The following SGSM1 variants were observed in gnomAD, a reference collection of about 807,000 sequenced individuals.
The protein encoded by SGSM1 is RUN and TBC1 domain containing 2.
SGSM1 carries 73 observed loss-of-function variants against 133.8 expected under a neutral mutation model. The ratio of observed to expected loss-of-function variants is 0.55; its 90% CI spans 0.45 to 0.66. The LOEUF is 0.66. Ranked by LOEUF, SGSM1 falls within the 30% of genes least tolerant of loss-of-function variation. SGSM1 has a pLI of 0.00. For missense variants in SGSM1, 1,213 were observed against 1,448.1 expected (o/e 0.84, Z 2.64); for synonymous variants, 563 against 573.0 (o/e 0.98, Z 0.25).
intron 12 of SGSM1, among the ~76,000 whole-genome samples, chr22:24,869,790 G>A (rs527518769): frequency 2.0e-5 from 3 of 152,280 alleles, no homozygotes; most frequent in African/African-American, 7.2e-5. Context: ...CAGGTTGCAC[G>A]GTGCCTGCCG....
At chr22:24,872,159 A>G (rs1761961828) in intron 12 of SGSM1, among the ~76,000 whole-genome samples, 1 of 152,220 alleles carries the variant, frequency 6.6e-6, no homozygotes, top group Non-Finnish European at 1.5e-5. Flanking sequence ...TTGCAGATAT[A>G]TGCCTTAAAT....
At position 24,901,900 on chromosome 22, in the gene SGSM1, G is replaced by A; in HGVS notation, c.2678G>A (p.Arg893His). 3.8e-6 allele frequency: 6 copies of A among 1,580,622 alleles called. No homozygotes were observed. The highest frequency in any genetic ancestry group is 2.3e-5 in the East Asian group (1 of 42,616). The change falls in exon 20 of 25, where the codon CGC (arginine) becomes CAC (histidine). Residue 893 changes from arginine (R) to histidine (H), a missense_variant. Physicochemically the swap from Arg to His is conservative, Grantham distance 29 (BLOSUM62 0). Coordinates refer to ENST00000400358, the MANE Select transcript of SGSM1 (RefSeq NM_001098497.3). ...GAGAAGGATGTGCAGAGGTGCGACC[G>A]CAACTACTGGTACTTCACGCCCGCC... is the stretch of plus-strand genomic sequence containing the variant. ...RIEKDVQRCD[R>H]NYWYFTPANL...
In SGSM1 at chr22:24,898,478, C is replaced by T; in HGVS notation, c.2529C>T (p.Leu843=). ...CGGAGGAGCCTGAGATGGAAAGTCT[C>T]TTCCCTGCCCTGGCTTCTCTGGCTG... ...NLSEEPEMES[L]FPALASLAVT... The change falls in exon 19 of 25, where the codon CTC becomes CTT. Residue 843 remains leucine, a synonymous_variant. Transcript: ENST00000400358. 6.2e-7 allele frequency: 1 copy of T among 1,613,928 alleles called. No individual in the cohort carries two copies. The highest frequency in any genetic ancestry group is 1.1e-5 in the South Asian group (1 of 91,080).
intron 24 of SGSM1, among the ~76,000 whole-genome samples, chr22:24,923,427 T>G (rs935936918): frequency 6.6e-6 from 1 of 152,240 alleles, no homozygotes; most frequent in African/African-American, 2.4e-5. Flanking sequence ...CTTAGAAGTC[T>G]GACCACATTG....
rs767930348 is a variant in SGSM1, at chr22:24,901,950, A to T, written c.2728A>T (p.Met910Leu). 1 of 1,306,960 alleles carries T rather than the reference A, an allele frequency of 7.7e-7. No homozygotes were observed. Among genetic ancestry groups the T allele is most frequent in the Non-Finnish European group, 1.0e-6 (1 of 1,001,252 alleles). 81.0% of individuals were successfully genotyped at this position (1,306,960 alleles called of 1,614,324 possible). The part of the protein sequence containing the change: ...PANLEKLRNI[M>L]CSYIWQHIEI... ...CAACTTGGAGAAGCTGCGTAACATCATGTGCAGGTGGCTGGGGACAGCGAG... is the reference window on the plus strand; with the variant it reads ...CAACTTGGAGAAGCTGCGTAACATCTTGTGCAGGTGGCTGGGGACAGCGAG... Residue 910 changes from methionine to leucine, a missense_variant, in exon 20 of 25, where the codon ATG becomes TTG. Coordinates refer to ENST00000400358, the MANE Select transcript of SGSM1 (RefSeq NM_001098497.3).
intron 15 of SGSM1, among the ~76,000 whole-genome samples, chr22:24,884,917 G>A (rs1413688070): frequency 1.3e-5 from 2 of 152,052 alleles, no homozygotes; most frequent in African/African-American, 4.8e-5. Context: ...AGGTAGCAGC[G>A]AGAATTGTAC....
At chr22:24,819,510 T>A (rs981203568) in intron 2 of SGSM1, among the ~76,000 whole-genome samples, 1 of 152,218 alleles carries the variant, frequency 6.6e-6, no homozygotes, top group African/African-American at 2.4e-5. Context: ...ATGAGGAAAC[T>A]GAGGCCCGAG....
At chr22:24,807,871 G>T (rs964103975) in intron 2 of SGSM1, among the ~76,000 whole-genome samples, 1 of 149,338 alleles carries the variant, frequency 6.7e-6, no homozygotes, top group Non-Finnish European at 1.5e-5. Flanking sequence ...TCCTCCGGGA[G>T]CATGAGTATG....
At chr22:24,817,599 C>T (rs1401973882) in intron 2 of SGSM1, among the ~76,000 whole-genome samples, 3 of 152,196 alleles carry the variant, frequency 2.0e-5, no homozygotes, top group African/African-American at 4.8e-5. Context: ...GATCTTCCCA[C>T]CTCAGCCTCC....
chr22:24,893,398 A>T, intron 16 of SGSM1, 33 bp from the exon 17 acceptor site: 1 of 1,608,212 alleles, frequency 6.2e-7, no homozygotes, highest in Non-Finnish European at 8.5e-7. Flanking sequence ...CCCTTTGTTG[A>T]CACCTCGGGT....
intron 4 of SGSM1, 83 bp downstream of exon 4, chr22:24,847,879 C>A: frequency 1.3e-6 from 2 of 1,499,504 alleles, no homozygotes; most frequent in Non-Finnish European, 1.8e-6. Flanking sequence ...GAGCCTGCAA[C>A]CCCTAGCACT....
In SGSM1 at chr22:24,898,025, G is replaced by A. The variant is rs752299811; in HGVS notation, c.2076G>A (p.Glu692=). Residue 692 remains glutamate (E), a synonymous_variant, in exon 19 of 25, where the codon GAG becomes GAA. Transcript: ENST00000400358. The part of the protein sequence containing the change: ...VEQVEAEGRL[E]EKQPKIPNGN... ...AGGTGGAGGCTGAAGGCAGATTGGAGGAGAAACAGCCCAAGATCCCCAATG... is the reference window on the plus strand; with the variant it reads ...AGGTGGAGGCTGAAGGCAGATTGGAAGAGAAACAGCCCAAGATCCCCAATG... 6.2e-7 allele frequency: 1 copy of A among 1,613,128 alleles called. No homozygotes were observed. Among genetic ancestry groups the A allele is most frequent in the Non-Finnish European group, 8.5e-7 (1 of 1,179,522 alleles).
chr22:24,855,822 C>A (rs1930746853), intron 8 of SGSM1, 142 bp downstream of exon 8: 2 of 1,203,188 alleles, frequency 1.7e-6, no homozygotes, highest in East Asian at 2.5e-5. Context: ...GCCCAACACT[C>A]ATTCATCCAT....
At chr22:24,900,404 T>TC (rs1933109431) in intron 19 of SGSM1, among the ~76,000 whole-genome samples, 1 of 75,866 alleles carries the variant, frequency 1.3e-5, no homozygotes, top group African/African-American at 4.1e-5. Context: ...TCTTTCTTTC[T>TC]TTCTGTATTT....
intron 20 of SGSM1, among the ~76,000 whole-genome samples, chr22:24,902,410 T>C (rs927476548): frequency 6.6e-6 from 1 of 152,234 alleles, no homozygotes; most frequent in African/African-American, 2.4e-5. Flanking sequence ...CCCAGCACTT[T>C]GGGAAGCTGA....
At chr22:24,881,691 GTCA>G (rs1008867303) in intron 14 of SGSM1, among the ~76,000 whole-genome samples, 1 of 152,062 alleles carries the variant, frequency 6.6e-6, no homozygotes, top group African/African-American at 2.4e-5. Flanking sequence ...TTATATCATC[GTCA>G]TCATCATCAT....
At chr22:24,816,388 G>A (rs1016395517) in intron 2 of SGSM1, among the ~76,000 whole-genome samples, 3 of 149,196 alleles carry the variant, frequency 2.0e-5, no homozygotes, top group Non-Finnish European at 3.0e-5. Context: ...AGAAAGTGAA[G>A]CTAAAAAATT....
intron 14 of SGSM1, among the ~76,000 whole-genome samples, chr22:24,880,008 T>G (rs1315986384): frequency 6.6e-6 from 1 of 152,164 alleles, no homozygotes; most frequent in East Asian, 1.9e-4. Flanking sequence ...TATTCCTGTT[T>G]AACAGATGAA....
At chr22:24,906,551 C>T (rs1340705745) in intron 21 of SGSM1, among the ~76,000 whole-genome samples, 1 of 152,162 alleles carries the variant, frequency 6.6e-6, no homozygotes, top group African/African-American at 2.4e-5. Flanking sequence ...GATCAATAAA[C>T]AAGAGTCTCT....
Sources: allele counts gnomAD v4.1 joint callset (sites outside exome capture counted in the v4.1 genomes callset), GRCh38; gene constraint gnomAD v4.1.1; transcripts MANE v1.5; gene names NCBI Gene and HGNC (gene_info 2026-07-23, HGNC 2026-07-21).